The following SUGCT variants were observed in gnomAD, a reference collection of about 807,000 sequenced individuals.
SUGCT encodes the protein succinyl-CoA:glutarate-CoA transferase, also known as succinyl-CoA:glutarate CoA-transferase.
A neutral mutation model predicts 55.0 loss-of-function variants in SUGCT; 41 were observed. The observed-to-expected ratio is 0.74, with a 90% CI of 0.58 to 0.97. SUGCT has a LOEUF of 0.97. SUGCT is among the 50% of genes least tolerant of loss of function. The probability of loss-of-function intolerance (pLI) is 0.00; values close to 1 mark genes in which losing one functional copy is unlikely to be tolerated. For synonymous variants in SUGCT, 187 were observed against 200.4 expected, an observed-to-expected ratio of 0.93 and a Z score of 0.56; for missense variants, 568 against 547.8, an observed-to-expected ratio of 1.04 and a Z score of -0.37.
chr7:40,140,881 T>G (rs1402099778), intron 1 of SUGCT, among the ~76,000 whole-genome samples: 1 of 152,238 alleles, frequency 6.6e-6, no homozygotes, highest in Non-Finnish European at 1.5e-5. Context: ...TTTCTAATTC[T>G]GTGAAAAAAT....
intron 12 of SUGCT, among the ~76,000 whole-genome samples, chr7:40,664,795 AC>A (rs1801520127): frequency 6.6e-6 from 1 of 151,978 alleles, no homozygotes; most frequent in Non-Finnish European, 1.5e-5. Flanking sequence ...CCTGGCTAAC[AC>A]GGTGAAACCC....
chr7:41,021,088 T>A, the SUGCT span, among the ~76,000 whole-genome samples: 1 of 152,202 alleles, frequency 6.6e-6, no homozygotes. Context: ...TTGACCAACA[T>A]GGCAAAGTAC....
chr7:40,944,217 C>G, the SUGCT span, among the ~76,000 whole-genome samples: 1 of 151,822 alleles, frequency 6.6e-6, no homozygotes, highest in Non-Finnish European at 1.5e-5. Flanking sequence ...AAATTTTCTC[C>G]CATTTTATAG....
At chr7:40,911,364 A>G in the SUGCT span, among the ~76,000 whole-genome samples, 4 of 152,130 alleles carry the variant, frequency 2.6e-5, no homozygotes, top group African/African-American at 9.7e-5. Flanking sequence ...AAAATCTTCT[A>G]TGTGAGAGCT....
At chr7:40,489,712 AAAC>A (rs1425262974) in intron 11 of SUGCT, among the ~76,000 whole-genome samples, 1 of 152,058 alleles carries the variant, frequency 6.6e-6, no homozygotes, top group East Asian at 1.9e-4. Context: ...AAACAAAAAC[AAAC>A]AACAGAACAA....
intron 9 of SUGCT, among the ~76,000 whole-genome samples, chr7:40,384,042 C>T (rs1179854025): frequency 3.3e-5 from 5 of 152,110 alleles, no homozygotes; most frequent in South Asian, 2.1e-4. Flanking sequence ...CTCAACCCCT[C>T]GGTCTCTCTG....
the SUGCT span, among the ~76,000 whole-genome samples, chr7:40,930,458 A>G: frequency 6.6e-6 from 1 of 152,160 alleles, no homozygotes; most frequent in Non-Finnish European, 1.5e-5. Context: ...TTCTGTGAAG[A>G]AAGTCATTGG....
the SUGCT span, among the ~76,000 whole-genome samples, chr7:40,952,746 G>A: frequency 6.6e-6 from 1 of 152,166 alleles, no homozygotes; most frequent in Admixed American, 6.5e-5. Flanking sequence ...ATTCTGGATT[G>A]AAAATTATTT....
intron 11 of SUGCT, among the ~76,000 whole-genome samples, chr7:40,489,653 C>T (rs1791573986): frequency 6.6e-6 from 1 of 152,066 alleles, no homozygotes; most frequent in Non-Finnish European, 1.5e-5. Context: ...TGCACTCTAG[C>T]CTGGTGACAG....
chr7:40,737,023 A>G (rs1787197607), intron 12 of SUGCT, among the ~76,000 whole-genome samples: 1 of 152,228 alleles, frequency 6.6e-6, no homozygotes, highest in Admixed American at 6.5e-5. Flanking sequence ...AAAAAAATAG[A>G]AAACCAAAAT....
chr7:40,950,765 AT>A, the SUGCT span, among the ~76,000 whole-genome samples: 1 of 152,142 alleles, frequency 6.6e-6, no homozygotes, highest in Admixed American at 6.5e-5. Context: ...ACGTTTATTG[AT>A]TTGCGTATGT....
chr7:40,681,513 G>T (rs1784243507), intron 12 of SUGCT, among the ~76,000 whole-genome samples: 2 of 152,146 alleles, frequency 1.3e-5, no homozygotes, highest in African/African-American at 2.4e-5. Context: ...GGTTTTGCAG[G>T]AGTAGAAAGG....
chr7:40,648,295 T>G (rs2151835329), intron 12 of SUGCT, among the ~76,000 whole-genome samples: 1 of 152,342 alleles, frequency 6.6e-6, no homozygotes, highest in South Asian at 2.1e-4. Context: ...ATAATTTTAG[T>G]TTTATCACAT....
At chr7:41,002,240 C>G in the SUGCT span, among the ~76,000 whole-genome samples, 1 of 152,172 alleles carries the variant, frequency 6.6e-6, no homozygotes, top group African/African-American at 2.4e-5. Context: ...AGGCTGGTCT[C>G]AAACGCCCAA....
At chr7:40,489,029 C>G (rs1188047675) in intron 11 of SUGCT, among the ~76,000 whole-genome samples, 1 of 152,014 alleles carries the variant, frequency 6.6e-6, no homozygotes, top group Admixed American at 6.6e-5. Flanking sequence ...GGGAGGTTTC[C>G]TGCTGTTATT....
intron 11 of SUGCT, among the ~76,000 whole-genome samples, chr7:40,477,859 C>T (rs1790791215): frequency 6.6e-6 from 1 of 152,074 alleles, no homozygotes; most frequent in Admixed American, 6.6e-5. Flanking sequence ...TGATATGTTG[C>T]TTAGAGTCTG....
At chr7:40,173,082 T>C (rs1784753660) in intron 1 of SUGCT, among the ~76,000 whole-genome samples, 1 of 152,202 alleles carries the variant, frequency 6.6e-6, no homozygotes, top group Non-Finnish European at 1.5e-5. Context: ...AGTCTTTTAT[T>C]CTTTGACCTG....
chr7:41,023,940 A>T, the SUGCT span, among the ~76,000 whole-genome samples: 3 of 152,188 alleles, frequency 2.0e-5, no homozygotes, highest in African/African-American at 7.2e-5. Context: ...AAGCATCCTA[A>T]CAAATACAAA....
intron 1 of SUGCT, among the ~76,000 whole-genome samples, chr7:40,137,572 G>A (rs916312969): frequency 6.6e-6 from 1 of 152,148 alleles, no homozygotes; most frequent in African/African-American, 2.4e-5. Context: ...CAAAAGCCAT[G>A]CTCTTTTTAA....
Sources: gnomAD v4.1 joint callset for allele counts (sites outside exome capture counted in the v4.1 genomes callset) on GRCh38, gnomAD v4.1.1 for gene constraint, MANE v1.5 for transcripts, NCBI Gene and HGNC (gene_info 2026-07-23, HGNC 2026-07-21) for gene names.